The following KLF12 variants were observed in gnomAD, a reference collection of about 807,000 sequenced individuals.
KLF12 encodes the protein Krueppel-like factor 12.
In KLF12, 9 loss-of-function variants were observed where a neutral mutation model predicts 37.8. The observed-to-expected ratio is 0.24, with a 90% CI of 0.14 to 0.42. The LOEUF (loss-of-function observed/expected upper bound fraction) is 0.42, where lower values mean the gene tolerates loss of function less well. KLF12 is among the 10% of genes least tolerant of loss of function. KLF12 has a pLI of 1.00. For synonymous variants in KLF12, 208 were observed against 202.1 expected (o/e 1.03, Z -0.25); for missense variants, 411 against 516.0 (o/e 0.80, Z 1.97).
At chr13:73,806,890 CA>C (rs921773851) in intron 5 of KLF12, among the ~76,000 whole-genome samples, 3 of 151,864 alleles carry the variant, frequency 2.0e-5, no homozygotes, top group Non-Finnish European at 4.4e-5. Context: ...ACCTTAACAC[CA>C]TCATACATGA....
Position 73,762,856 on chromosome 13 carries a change from G to T in KLF12, c.869+2082C>A, listed in dbSNP as rs555680567. On this transcript the variant is annotated intron_variant, in intron 6 of 7. Coordinates refer to ENST00000377669, the MANE Select transcript of KLF12 (RefSeq NM_007249.5). ...ATTCATGGGGCTTCTTCCTAGCCAG[G>T]TGATTTATTTCCATATACTAGACTC... Among the ~76,000 whole-genome samples, 7 of 152,256 alleles carry T rather than the reference G, an allele frequency of 4.6e-5. No individual in the cohort carries two copies. In the East Asian group the frequency reaches 1.2e-3, roughly 25 times the overall value.
chr13:74,204,638 G>A, the KLF12 span, among the ~76,000 whole-genome samples: 1 of 152,088 alleles, frequency 6.6e-6, no homozygotes, highest in Admixed American at 6.6e-5. Flanking sequence ...TACATAGAAT[G>A]GCTTGCCTTC....
chr13:74,156,594 A>G, the KLF12 span, among the ~76,000 whole-genome samples: 3 of 152,042 alleles, frequency 2.0e-5, no homozygotes, highest in Non-Finnish European at 4.4e-5. Context: ...TTTGAGACCC[A>G]TTAGCCATCC....
At chr13:74,032,143 A>G (rs1475678670) in intron 1 of KLF12, among the ~76,000 whole-genome samples, 1 of 152,164 alleles carries the variant, frequency 6.6e-6, no homozygotes, top group African/African-American at 2.4e-5. Context: ...CTATAAAAAT[A>G]CAGTTTGGAA....
At chr13:73,942,003 C>CA (rs900522698) in intron 3 of KLF12, among the ~76,000 whole-genome samples, 12 of 151,818 alleles carry the variant, frequency 7.9e-5, no homozygotes, top group African/African-American at 2.4e-4. Flanking sequence ...TCTCTAAGGA[C>CA]AAAAAAAATG....
At chr13:73,744,853 T>C (rs1338487711) in intron 6 of KLF12, among the ~76,000 whole-genome samples, 1 of 152,236 alleles carries the variant, frequency 6.6e-6, no homozygotes, top group Admixed American at 6.5e-5. Flanking sequence ...CATTAATTTC[T>C]GATGGTGGCT....
At chr13:74,072,400 TATATATAA>T (rs1448201168) in intron 1 of KLF12, among the ~76,000 whole-genome samples, 7 of 124,910 alleles carry the variant, frequency 5.6e-5, no homozygotes, top group African/African-American at 2.1e-4. Flanking sequence ...TATATATATA[TATATATAA>T]AAGATTATCT....
In KLF12 at chr13:74,117,404, G is replaced by A. The variant is rs117563401; in HGVS notation, c.-32+16335C>T. Among the ~76,000 whole-genome samples, 3 of 152,192 alleles carry A rather than the reference G, an allele frequency of 2.0e-5. No homozygotes were observed. The East Asian group carries it at 5.8e-4, about 29-fold the overall frequency. On this transcript the variant is annotated intron_variant, in intron 1 of 7. Coordinates refer to ENST00000377669, the MANE Select transcript of KLF12 (RefSeq NM_007249.5). Reference sequence around the variant, plus strand: ...CAAAACCAGAAAAATCTAAATAAGAGACTAACACAGTATTAGCTTATGACT... The same window carrying A: ...CAAAACCAGAAAAATCTAAATAAGAAACTAACACAGTATTAGCTTATGACT...
chr13:74,287,875 A>G, the KLF12 span, among the ~76,000 whole-genome samples: 2 of 152,196 alleles, frequency 1.3e-5, no homozygotes, highest in Non-Finnish European at 2.9e-5. Context: ...GTTTGCATTT[A>G]TTCACTGCTC....
intron 5 of KLF12, among the ~76,000 whole-genome samples, chr13:73,788,797 T>C (rs1325091162): frequency 6.6e-6 from 1 of 152,206 alleles, no homozygotes; most frequent in East Asian, 1.9e-4. Flanking sequence ...AATTTTCTTA[T>C]AAAGTATGAA....
chr13:73,798,539 C>T (rs929073474), intron 5 of KLF12, among the ~76,000 whole-genome samples: 4 of 151,990 alleles, frequency 2.6e-5, no homozygotes, highest in African/African-American at 9.7e-5. Context: ...GTCTAATATC[C>T]AACATCTATA....
chr13:73,800,091 G>A (rs2138337456), intron 5 of KLF12: 1 of 152,144 alleles, frequency 6.6e-6, no homozygotes, highest in Admixed American at 6.5e-5. Flanking sequence ...TACAAAATGA[G>A]AGGTTAATCA....
intron 3 of KLF12, among the ~76,000 whole-genome samples, chr13:73,859,438 G>A (rs1885798665): frequency 1.3e-5 from 2 of 152,114 alleles, no homozygotes; most frequent in African/African-American, 2.4e-5. Flanking sequence ...CATCAGCCCT[G>A]GAGAGGAAGA....
At chr13:73,980,507 A>C (rs1891663267) in intron 2 of KLF12, among the ~76,000 whole-genome samples, 1 of 152,222 alleles carries the variant, frequency 6.6e-6, no homozygotes, top group African/African-American at 2.4e-5. Context: ...GAATAGAAAA[A>C]GCATTAAACA....
At chr13:73,783,260 T>C (rs555885385) in intron 5 of KLF12, among the ~76,000 whole-genome samples, 1 of 152,214 alleles carries the variant, frequency 6.6e-6, no homozygotes, top group East Asian at 1.9e-4. Context: ...CACTCATATG[T>C]GGGAGTTAAA....
chr13:73,902,374 G>A (rs921891627), intron 3 of KLF12, among the ~76,000 whole-genome samples: 3 of 152,140 alleles, frequency 2.0e-5, no homozygotes, highest in Non-Finnish European at 4.4e-5. Flanking sequence ...TTGGCCTTTT[G>A]ACATAGGTTA....
intron 1 of KLF12, among the ~76,000 whole-genome samples, chr13:74,037,479 A>G (rs1893284288): frequency 6.6e-6 from 1 of 152,172 alleles, no homozygotes; most frequent in South Asian, 2.1e-4. Context: ...CCGCCAATTA[A>G]ACCGTGTTGA....
the KLF12 span, among the ~76,000 whole-genome samples, chr13:74,178,354 T>A: frequency 6.6e-6 from 1 of 152,104 alleles, no homozygotes; most frequent in South Asian, 2.1e-4. Flanking sequence ...GTTTTGTTTT[T>A]TACACTCATT....
intron 1 of KLF12, among the ~76,000 whole-genome samples, chr13:74,008,485 T>A (rs775412179): frequency 2.6e-5 from 4 of 152,258 alleles, no homozygotes; most frequent in Non-Finnish European, 5.9e-5. Context: ...TGCAATATGA[T>A]GAATTCTTAT....
Sources: allele counts gnomAD v4.1 joint callset (sites outside exome capture counted in the v4.1 genomes callset), GRCh38; gene constraint gnomAD v4.1.1; transcripts MANE v1.5; gene names NCBI Gene and HGNC (gene_info 2026-07-23, HGNC 2026-07-21).